The following CDH12 variants were observed in gnomAD, a reference collection of about 807,000 sequenced individuals.
CDH12 encodes the protein cadherin 12.
In CDH12, 41 loss-of-function variants were observed where a neutral mutation model predicts 74.1. The ratio of observed to expected loss-of-function variants is 0.55; its 90% CI spans 0.43 to 0.72. The LOEUF is 0.72. Among genes scored for constraint, CDH12 ranks in the 30% least tolerant of loss-of-function variants. The pLI is 0.00. For synonymous variants in CDH12, 399 were observed against 355.0 expected (o/e 1.12, Z -1.39); for missense variants, 945 against 977.2 (o/e 0.97, Z 0.44).
intron 6 of CDH12, among the ~76,000 whole-genome samples, chr5:21,856,930 A>G (rs1433842861): frequency 1.3e-5 from 2 of 151,864 alleles, no homozygotes; most frequent in African/African-American, 4.8e-5. Flanking sequence ...GCAGATTCCA[A>G]TGTAAATTCT....
At chr5:22,836,483 C>A (rs1026260828) in intron 1 of CDH12, among the ~76,000 whole-genome samples, 1 of 151,878 alleles carries the variant, frequency 6.6e-6, no homozygotes, top group African/African-American at 2.4e-5. Context: ...CCTACCTCGG[C>A]CTTCCAAAGT....
chr5:21,981,928 C>G (rs547548223), intron 5 of CDH12, among the ~76,000 whole-genome samples: 3 of 152,224 alleles, frequency 2.0e-5, no homozygotes, highest in African/African-American at 7.2e-5. Context: ...CCTGCCTATG[C>G]CTCTGAATGT....
chr5:22,620,760 T>A (rs565193353), intron 1 of CDH12, among the ~76,000 whole-genome samples: 7 of 152,262 alleles, frequency 4.6e-5, no homozygotes, highest in African/African-American at 1.4e-4. Context: ...TAGAAAAATG[T>A]CATTCATTTG....
chr5:22,509,082 G>A (rs1179745458), intron 1 of CDH12, among the ~76,000 whole-genome samples: 1 of 152,162 alleles, frequency 6.6e-6, no homozygotes, highest in Non-Finnish European at 1.5e-5. Context: ...CTACAAGACA[G>A]TGTGTATGGC....
At chr5:21,836,885 A>G (rs1432811424) in intron 8 of CDH12, among the ~76,000 whole-genome samples, 1 of 151,948 alleles carries the variant, frequency 6.6e-6, no homozygotes, top group Non-Finnish European at 1.5e-5. Flanking sequence ...AACTTCAGTT[A>G]CCGCTCTTTT....
intron 4 of CDH12, among the ~76,000 whole-genome samples, chr5:22,135,221 A>AT (rs1367825505): frequency 6.6e-6 from 1 of 151,340 alleles, no homozygotes; most frequent in African/African-American, 2.4e-5. Flanking sequence ...AAAAAAAAAA[A>AT]AAAAGAAAGA....
At chr5:22,675,863 T>G (rs1054426584) in intron 1 of CDH12, among the ~76,000 whole-genome samples, 2 of 35,498 alleles carry the variant, frequency 5.6e-5, no homozygotes, top group African/African-American at 2.8e-4. Flanking sequence ...TTTATACTTT[T>G]GTATCTCATA....
intron 4 of CDH12, chr5:22,142,907 T>C (rs1465526326): frequency 8.4e-6 from 2 of 238,806 alleles, no homozygotes; most frequent in Non-Finnish European, 1.9e-5. Context: ...AGTCTGATTC[T>C]TTTTTTGATA....
chr5:22,083,046 A>G (rs2150230119), intron 4 of CDH12, among the ~76,000 whole-genome samples: 1 of 152,244 alleles, frequency 6.6e-6, no homozygotes, highest in East Asian at 1.9e-4. Flanking sequence ...GCTAGTGGCA[A>G]TTGCATGAGT....
At chr5:22,515,231 C>T (rs1332730770) in intron 1 of CDH12, among the ~76,000 whole-genome samples, 1 of 151,972 alleles carries the variant, frequency 6.6e-6, no homozygotes, top group Non-Finnish European at 1.5e-5. Context: ...GTCATTGAAT[C>T]GGATTTAAGT....
chr5:21,920,155 A>T (rs1016214248), intron 6 of CDH12, among the ~76,000 whole-genome samples: 11 of 152,222 alleles, frequency 7.2e-5, no homozygotes, highest in African/African-American at 2.4e-4. Context: ...ACAAATATTT[A>T]TAGAGACCAA....
rs115258151 is a variant in CDH12, at chr5:22,512,778, C to A, written c.-522-7414G>T. 3.9e-5 allele frequency among the ~76,000 whole-genome samples: 6 copies of A among 152,198 alleles called. No homozygotes were observed. The South Asian group carries it at 1.2e-3, about 32-fold the overall frequency. ...AGATGTTACTAACATCAAAAATAAT[C>A]CCTGCTGGGAGTGGTGGCTCACACC... On this transcript the variant is annotated intron_variant, in intron 1 of 14. Coordinates refer to ENST00000382254, the MANE Select transcript of CDH12 (RefSeq NM_004061.5).
intron 1 of CDH12, among the ~76,000 whole-genome samples, chr5:22,841,551 T>G (rs1240264053): frequency 6.6e-6 from 1 of 152,122 alleles, no homozygotes; most frequent in African/African-American, 2.4e-5. Flanking sequence ...CAGCATATGG[T>G]GTTTAAAACT....
chr5:22,637,843 A>G (rs1056943794), intron 1 of CDH12, among the ~76,000 whole-genome samples: 1 of 152,242 alleles, frequency 6.6e-6, no homozygotes, highest in African/African-American at 2.4e-5. Flanking sequence ...ATGTCTACTT[A>G]TAGTAGAGAT....
At chr5:22,093,524 T>C (rs1743559523) in intron 4 of CDH12, among the ~76,000 whole-genome samples, 1 of 152,194 alleles carries the variant, frequency 6.6e-6, no homozygotes, top group African/African-American at 2.4e-5. Flanking sequence ...TTATAAAAGA[T>C]TACATATTAT....
At position 21,880,572 on chromosome 5, in the gene CDH12, T is replaced by TTTCTTTCCTTCCTTCCTTCC. The variant is rs1752224436; in HGVS notation, c.527-25783_527-25782insGGAAGGAAGGAAGGAAAGAA. Among the ~76,000 whole-genome samples the TTTCTTTCCTTCCTTCCTTCC allele has an allele frequency of 1.5e-3, 19 of 12,952 alleles. 4 individuals carry two copies. The highest frequency in any genetic ancestry group is 2.9e-3 in the African/African-American group (19 of 6,648). The allele number at this position is 12,952 out of a possible 152,430, so 8.5% of individuals were successfully genotyped here. On this transcript the variant is annotated intron_variant, in intron 6 of 14. Transcript: ENST00000382254. ...CTTCCTTCCTTCCTTCCCTTCTTTC[T>TTTCTTTCCTTCCTTCCTTCC]TTCCTTCCTTCCTTCCTTCCTTCCT... is the stretch of plus-strand genomic sequence containing the variant.
chr5:22,043,338 C>T (rs1739705232), intron 5 of CDH12, among the ~76,000 whole-genome samples: 2 of 151,998 alleles, frequency 1.3e-5, no homozygotes, highest in Admixed American at 1.3e-4. Flanking sequence ...GAATAAATGA[C>T]AAAAACCATA....
chr5:22,355,168 A>G (rs2150467892), intron 3 of CDH12, among the ~76,000 whole-genome samples: 1 of 118,544 alleles, frequency 8.4e-6, no homozygotes, highest in Non-Finnish European at 2.1e-5. Flanking sequence ...GGGTATCATA[A>G]TGACTGTCAT....
intron 1 of CDH12, among the ~76,000 whole-genome samples, chr5:22,539,940 A>G (rs918970304): frequency 1.3e-5 from 2 of 152,184 alleles, no homozygotes; most frequent in Non-Finnish European, 2.9e-5. Context: ...CAGCTATCAG[A>G]CTGTTTTTAA....
Sources: allele counts gnomAD v4.1 joint callset (sites outside exome capture counted in the v4.1 genomes callset), GRCh38; gene constraint gnomAD v4.1.1; transcripts MANE v1.5; gene names NCBI Gene and HGNC (gene_info 2026-07-23, HGNC 2026-07-21).